Variants in CFAP299 observed in about 807,000 individuals in gnomAD.
CFAP299 encodes cilia- and flagella-associated protein 299.
A neutral mutation model predicts 27.0 loss-of-function variants in CFAP299; 21 were observed. That is an observed-to-expected ratio of 0.78 (90% CI 0.55 to 1.12). The LOEUF is 1.12. Among genes scored for constraint, CFAP299 ranks in the 50% most tolerant of loss-of-function variants. CFAP299 has a pLI of 0.00. For missense variants in CFAP299, 310 were observed against 276.6 expected, an observed-to-expected ratio of 1.12 and a Z score of -0.86; for synonymous variants, 104 against 98.1, an observed-to-expected ratio of 1.06 and a Z score of -0.36.
chr4:80,944,257 TAAA>T (rs1372161557), intron 4 of CFAP299, among the ~76,000 whole-genome samples: 2 of 146,314 alleles, frequency 1.4e-5, no homozygotes, highest in African/African-American at 5.0e-5. Flanking sequence ...GCTTTGTCCA[TAAA>T]ATGAGAGCAA....
intron 2 of CFAP299, among the ~76,000 whole-genome samples, chr4:80,503,954 TA>T (rs1223688004): frequency 6.6e-6 from 1 of 152,144 alleles, no homozygotes; most frequent in Non-Finnish European, 1.5e-5. Context: ...GACACAATTG[TA>T]GGAGGTAGAG....
intron 3 of CFAP299, among the ~76,000 whole-genome samples, chr4:80,614,237 C>T (rs533481577): frequency 1.9e-4 from 29 of 152,166 alleles, no homozygotes; most frequent in East Asian, 5.8e-4. Flanking sequence ...TTAAAATTAA[C>T]GGCTACTTAG....
intron 3 of CFAP299, among the ~76,000 whole-genome samples, chr4:80,812,989 T>C (rs559797441): frequency 1.3e-5 from 2 of 152,186 alleles, no homozygotes; most frequent in African/African-American, 2.4e-5. Flanking sequence ...CAGCATTCTG[T>C]TAATCAACCT....
At chr4:80,419,764 T>A (rs1727201255) in intron 2 of CFAP299, among the ~76,000 whole-genome samples, 2 of 152,074 alleles carry the variant, frequency 1.3e-5, no homozygotes, top group Non-Finnish European at 2.9e-5. Context: ...TATTTTAGCT[T>A]TTTGGGTAAC....
chr4:80,399,959 A>G (rs1726050580), intron 2 of CFAP299, among the ~76,000 whole-genome samples: 1 of 152,206 alleles, frequency 6.6e-6, no homozygotes, highest in South Asian at 2.1e-4. Flanking sequence ...AAGAATATAT[A>G]TTACATCCTT....
At chr4:80,432,499 A>G (rs1727867701) in intron 2 of CFAP299, among the ~76,000 whole-genome samples, 2 of 149,050 alleles carry the variant, frequency 1.3e-5, no homozygotes, top group Admixed American at 1.3e-4. Context: ...TCTTTTTAGC[A>G]CAAGTTTTTC....
chr4:80,446,518 A>G (rs576157505), intron 2 of CFAP299, among the ~76,000 whole-genome samples: 1 of 152,312 alleles, frequency 6.6e-6, no homozygotes, highest in South Asian at 2.1e-4. Context: ...TCTATCCTCT[A>G]CTTAAGTAAT....
At chr4:80,487,552 G>A (rs182429202) in intron 2 of CFAP299, among the ~76,000 whole-genome samples, 5 of 152,238 alleles carry the variant, frequency 3.3e-5, no homozygotes, top group Middle Eastern at 3.4e-3. Context: ...AGGCAGAGAG[G>A]GGTCTGATTT....
chr4:80,938,662 G>A (rs1036816661), intron 4 of CFAP299, among the ~76,000 whole-genome samples: 5 of 152,200 alleles, frequency 3.3e-5, no homozygotes, highest in East Asian at 1.9e-4. Context: ...TTCCTCTAGC[G>A]CTGCTAGGTT....
At chr4:80,380,857 C>T (rs769201799) in intron 2 of CFAP299, among the ~76,000 whole-genome samples, 1 of 152,252 alleles carries the variant, frequency 6.6e-6, no homozygotes, top group Middle Eastern at 3.4e-3. Flanking sequence ...TCTGCTACTG[C>T]TTTTAATGAG....
At chr4:80,345,270 G>GTTA (rs552352955) in intron 1 of CFAP299, among the ~76,000 whole-genome samples, 282 of 150,734 alleles carry the variant, frequency 1.9e-3, no homozygotes, top group African/African-American at 1.4e-3. Flanking sequence ...GTTTCTTTTT[G>GTTA]TTATTATTAT....
intron 4 of CFAP299, among the ~76,000 whole-genome samples, chr4:80,883,467 A>C (rs890765903): frequency 1.3e-5 from 2 of 152,292 alleles, no homozygotes; most frequent in South Asian, 4.1e-4. Flanking sequence ...AAATAGTTAA[A>C]TTTCCCAATC....
intron 2 of CFAP299, among the ~76,000 whole-genome samples, chr4:80,421,126 G>C (rs1386104084): frequency 6.6e-6 from 1 of 151,856 alleles, no homozygotes; most frequent in African/African-American, 2.4e-5. Flanking sequence ...AACACTTCAC[G>C]TGGCCTTCCT....
chr4:80,477,059 T>C (rs989453784), intron 2 of CFAP299, among the ~76,000 whole-genome samples: 3 of 152,078 alleles, frequency 2.0e-5, no homozygotes, highest in Admixed American at 6.6e-5. Flanking sequence ...CCATCTCTGC[T>C]TCTTTTTTTT....
chr4:80,377,900 C>T (rs904334370), intron 2 of CFAP299, among the ~76,000 whole-genome samples: 3 of 152,132 alleles, frequency 2.0e-5, no homozygotes, highest in Non-Finnish European at 4.4e-5. Context: ...AGGTGAAACG[C>T]ACTTCTCACA....
intron 2 of CFAP299, among the ~76,000 whole-genome samples, chr4:80,512,359 T>C (rs1350782906): frequency 6.6e-6 from 1 of 152,084 alleles, no homozygotes; most frequent in African/African-American, 2.4e-5. Context: ...AAGCATCCGA[T>C]GCTAAGAGTG....
chr4:80,845,286 T>G (rs1204002715), intron 3 of CFAP299, among the ~76,000 whole-genome samples: 2 of 151,618 alleles, frequency 1.3e-5, no homozygotes, highest in East Asian at 3.9e-4. Flanking sequence ...ACTGTTTTTT[T>G]TTTTTTTAAA....
At chr4:80,654,765 A>G (rs577714856) in intron 3 of CFAP299, among the ~76,000 whole-genome samples, 7 of 148,356 alleles carry the variant, frequency 4.7e-5, no homozygotes, top group Non-Finnish European at 8.9e-5. Context: ...GCATGCCACC[A>G]TGCCGAGCTA....
In CFAP299 at chr4:80,741,656, G is replaced by A. The variant is rs192897803; in HGVS notation, c.334-128337G>A. Among the ~76,000 whole-genome samples the A allele has an allele frequency of 2.2e-4, 34 of 152,258 alleles. No homozygotes were observed. In the East Asian group the frequency reaches 6.4e-3, roughly 29 times the overall value. ...TGAGATATACTGCCTTGGGTTGGGG[G>A]GAGGGATGGTGCAAGTATTCCCTTA... On this transcript the variant is annotated intron_variant, in intron 3 of 5. Coordinates refer to ENST00000358105, the MANE Select transcript of CFAP299 (RefSeq NM_152770.3).
Sources: allele counts gnomAD v4.1 joint callset (sites outside exome capture counted in the v4.1 genomes callset), GRCh38; gene constraint gnomAD v4.1.1; transcripts MANE v1.5; gene names NCBI Gene and HGNC (gene_info 2026-07-23, HGNC 2026-07-21).